Variants in MIPOL1 observed in about 807,000 individuals in gnomAD.
MIPOL1 encodes mirror-image polydactyly gene 1 protein.
Under a neutral mutation model 60.9 loss-of-function variants are expected in MIPOL1, and 57 were observed. That is an observed-to-expected ratio of 0.94 (90% CI 0.76 to 1.17). The LOEUF (loss-of-function observed/expected upper bound fraction) is 1.17. Among genes scored for constraint, MIPOL1 ranks in the 50% most tolerant of loss-of-function variants. The pLI is 0.00. For synonymous variants in MIPOL1, 179 were observed against 168.8 expected (o/e 1.06, Z -0.47); for missense variants, 551 against 511.6 (o/e 1.08, Z -0.74).
intron 11 of MIPOL1, among the ~76,000 whole-genome samples, chr14:37,497,538 T>C (rs2095150628): frequency 1.3e-5 from 2 of 152,184 alleles, no homozygotes; most frequent in African/African-American, 4.8e-5. Flanking sequence ...GAACTTACCT[T>C]CATCAAAAGA....
chr14:37,395,509 T>A lies in MIPOL1; in HGVS notation c.936+25885T>A, dbSNP rs533915938. Among the ~76,000 whole-genome samples the A allele has an allele frequency of 4.0e-4, 61 of 152,216 alleles. No individual in the cohort carries two copies. In the Middle Eastern group the frequency reaches 0.01, roughly 25 times the overall value. On this transcript the variant is annotated intron_variant, in intron 10 of 12. Transcript: ENST00000684589. ...CCTAAATATTTTATTTATTTATTTATTTTGCAGCTATTGTAAAAGGGGTTG... is the reference window on the plus strand; with the variant it reads ...CCTAAATATTTTATTTATTTATTTAATTTGCAGCTATTGTAAAAGGGGTTG...
At chr14:37,316,575 C>T (rs1290106174) in intron 9 of MIPOL1, among the ~76,000 whole-genome samples, 3 of 139,956 alleles carry the variant, frequency 2.1e-5, no homozygotes, top group Admixed American at 7.6e-5. Context: ...GGAGAGAGGG[C>T]TTATGGTATC....
chr14:37,288,324 T>C (rs2084761893), intron 7 of MIPOL1, among the ~76,000 whole-genome samples: 1 of 151,764 alleles, frequency 6.6e-6, no homozygotes, highest in Admixed American at 6.6e-5. Context: ...AATTTTTAAA[T>C]GCAAAAAAGA....
intron 11 of MIPOL1, among the ~76,000 whole-genome samples, chr14:37,490,756 T>G (rs2153605640): frequency 6.6e-6 from 1 of 152,234 alleles, no homozygotes; most frequent in South Asian, 2.1e-4. Flanking sequence ...CCACCCTGCT[T>G]CAGCTCACCT....
intron 9 of MIPOL1, among the ~76,000 whole-genome samples, chr14:37,325,004 GGTTATTCTA>G (rs1687429828): frequency 6.6e-6 from 1 of 151,956 alleles, no homozygotes; most frequent in Non-Finnish European, 1.5e-5. Flanking sequence ...AGGTTGTTTT[GGTTATTCTA>G]GGTTTTTTGC....
intron 6 of MIPOL1, chr14:37,276,477 C>G (rs2083670380): frequency 6.6e-6 from 1 of 150,470 alleles, no homozygotes; most frequent in Non-Finnish European, 1.5e-5. Flanking sequence ...ATCAAGACAC[C>G]CCAGTGGATT....
intron 10 of MIPOL1, among the ~76,000 whole-genome samples, chr14:37,410,370 TA>T (rs1165228165): frequency 2.6e-5 from 4 of 151,876 alleles, no homozygotes; most frequent in Non-Finnish European, 4.4e-5. Flanking sequence ...TAATAAAATT[TA>T]AAAAAAGAAA....
chr14:37,372,781 A>G (rs527585585), intron 10 of MIPOL1, among the ~76,000 whole-genome samples: 1 of 151,342 alleles, frequency 6.6e-6, no homozygotes, highest in South Asian at 2.1e-4. Context: ...ATTGCTAGGC[A>G]TAGCACTGTT....
intron 9 of MIPOL1, among the ~76,000 whole-genome samples, chr14:37,355,828 T>G (rs2091774065): frequency 6.6e-6 from 1 of 150,582 alleles, no homozygotes; most frequent in Non-Finnish European, 1.5e-5. Context: ...TTCAAAGTTT[T>G]CAACTTCTTT....
chr14:37,477,252 A>T (rs975586882), intron 11 of MIPOL1, among the ~76,000 whole-genome samples: 1 of 151,770 alleles, frequency 6.6e-6, no homozygotes, highest in Non-Finnish European at 1.5e-5. Context: ...ATTGAATTAG[A>T]TGGCGTTTCC....
chr14:37,363,825 T>G (rs1398368467), intron 9 of MIPOL1, among the ~76,000 whole-genome samples: 4 of 152,078 alleles, frequency 2.6e-5, no homozygotes, highest in African/African-American at 9.7e-5. Context: ...TTTACCTACA[T>G]AAGCCTCAGT....
In MIPOL1 at chr14:37,407,842, C is replaced by CTTTTTTTTTTTTTTTTTTTTTTTTTTTTT. The variant is rs5807951; in HGVS notation, c.937-15011_937-15010insTTTTTTTTTTTTTTTTTTTTTTTTTTTTT. ...ATTTTTTCTTTTCTTTCTTCTTCTTCTTCTTTTTTTTTTTTTTTTTTTTTG... is the reference window on the plus strand; with the variant it reads ...ATTTTTTCTTTTCTTTCTTCTTCTTCTTTTTTTTTTTTTTTTTTTTTTTTTTTTTTTCTTTTTTTTTTTTTTTTTTTTTG... On this transcript the variant is annotated intron_variant, in intron 10 of 12. Coordinates refer to ENST00000684589, the MANE Select transcript of MIPOL1 (RefSeq NM_001388067.1). 1.2e-4 allele frequency among the ~76,000 whole-genome samples: 7 copies of CTTTTTTTTTTTTTTTTTTTTTTTTTTTTT among 58,054 alleles called. 1 individual carries two copies. The highest frequency in any genetic ancestry group is 1.8e-4 in the Non-Finnish European group (6 of 32,894). The allele number at this position is 58,054 out of a possible 152,430, so 38.1% of individuals were successfully genotyped here.
At chr14:37,200,175 T>C (rs1458706471) in intron 1 of MIPOL1, among the ~76,000 whole-genome samples, 3 of 152,170 alleles carry the variant, frequency 2.0e-5, no homozygotes, top group Non-Finnish European at 4.4e-5. Context: ...CTTTGTAGAG[T>C]TTCAGCTAAC....
chr14:37,356,052 T>G (rs1025211553), intron 9 of MIPOL1, among the ~76,000 whole-genome samples: 1 of 146,642 alleles, frequency 6.8e-6, no homozygotes, highest in Non-Finnish European at 1.5e-5. Flanking sequence ...CTACTTTTGG[T>G]CTTTGATGAT....
intron 7 of MIPOL1, among the ~76,000 whole-genome samples, chr14:37,294,054 T>C (rs1023158413): frequency 4.6e-5 from 7 of 151,936 alleles, no homozygotes; most frequent in Non-Finnish European, 1.0e-4. Context: ...CTGGGAGGCA[T>C]CCCCCAGTAG....
chr14:37,218,860 G>A (rs1968220693), intron 1 of MIPOL1, among the ~76,000 whole-genome samples: 1 of 151,166 alleles, frequency 6.6e-6, no homozygotes, highest in Non-Finnish European at 1.5e-5. Flanking sequence ...AGGAATTTGA[G>A]GCTGCAGTGA....
In MIPOL1 at chr14:37,469,175, A is replaced by C. The variant is rs144753207; in HGVS notation, c.1032-30733A>C. ...CCTGAGACTGGGTAATTTATAAAAA[A>C]AGGAGGTTTAATTGACTCACAGTTC... On this transcript the variant is annotated intron_variant, in intron 11 of 12. Transcript: ENST00000684589. Among the ~76,000 whole-genome samples the C allele has an allele frequency of 2.0e-3, 300 of 152,332 alleles. 1 individual carries two copies. Among genetic ancestry groups the C allele is most frequent in the African/African-American group, 6.9e-3 (287 of 41,580 alleles).
chr14:37,342,937 C>A (rs930565161), intron 9 of MIPOL1, among the ~76,000 whole-genome samples: 1 of 141,904 alleles, frequency 7.0e-6, no homozygotes, highest in Non-Finnish European at 1.5e-5. Flanking sequence ...ATTATTAAAT[C>A]TCTAGTTATT....
At chr14:37,512,929 G>C (rs922036341) in intron 12 of MIPOL1, among the ~76,000 whole-genome samples, 1 of 152,036 alleles carries the variant, frequency 6.6e-6, no homozygotes, top group Non-Finnish European at 1.5e-5. Flanking sequence ...AAATTTAAAA[G>C]CTGTGAAATA....
Sources: gnomAD v4.1 joint callset for allele counts (sites outside exome capture counted in the v4.1 genomes callset) on GRCh38, gnomAD v4.1.1 for gene constraint, MANE v1.5 for transcripts, NCBI Gene and HGNC (gene_info 2026-07-23, HGNC 2026-07-21) for gene names.